The following RIT2 variants were observed in gnomAD, a reference collection of about 807,000 sequenced individuals.
RIT2 encodes Ras like without CAAX 2, also known as GTP-binding protein Rit2.
A neutral mutation model predicts 23.7 loss-of-function variants in RIT2; 24 were observed. That is an observed-to-expected ratio of 1.01 (90% CI 0.73 to 1.43). RIT2 has a LOEUF of 1.43. Ranked by LOEUF, RIT2 falls within the 40% of genes most tolerant of loss-of-function variation. The pLI, the probability that RIT2 is intolerant of heterozygous loss-of-function variation, is 0.00. For missense variants in RIT2, 236 were observed against 266.9 expected, an observed-to-expected ratio of 0.88 and a Z score of 0.81; for synonymous variants, 107 against 91.1, an observed-to-expected ratio of 1.17 and a Z score of -0.99.
chr18:42,780,666 A>G (rs1913789504), intron 4 of RIT2, among the ~76,000 whole-genome samples: 2 of 152,168 alleles, frequency 1.3e-5, no homozygotes, highest in Admixed American at 1.3e-4. Flanking sequence ...GGAACTTGGT[A>G]TCTTATTTGC....
At chr18:42,820,970 T>G (rs1029900761) in intron 4 of RIT2, among the ~76,000 whole-genome samples, 2 of 152,234 alleles carry the variant, frequency 1.3e-5, no homozygotes, top group African/African-American at 4.8e-5. Context: ...GGAGAGCTGC[T>G]TGTTTTAAAA....
chr18:42,932,620 T>C (rs1281505541), intron 3 of RIT2, among the ~76,000 whole-genome samples: 3 of 152,166 alleles, frequency 2.0e-5, no homozygotes, highest in Non-Finnish European at 4.4e-5. Flanking sequence ...TCCTCATACT[T>C]GAACCTTTTC....
chr18:42,914,326 A>C (rs1908846851), intron 4 of RIT2, among the ~76,000 whole-genome samples: 1 of 152,118 alleles, frequency 6.6e-6, no homozygotes, highest in Non-Finnish European at 1.5e-5. Context: ...CTTATGTTCC[A>C]CAGAAACTTG....
chr18:42,755,963 T>C (rs1401349476), intron 4 of RIT2, among the ~76,000 whole-genome samples: 1 of 151,746 alleles, frequency 6.6e-6, no homozygotes, highest in African/African-American at 2.4e-5. Flanking sequence ...TTATTTAGGT[T>C]GGTGAGGGGA....
rs1295838166 is a variant in RIT2, at chr18:43,057,614, T to G, written c.104-23747A>C. Among the ~76,000 whole-genome samples the G allele has an allele frequency of 4.6e-5, 7 of 151,520 alleles. No homozygotes were observed. In the East Asian group the frequency reaches 1.4e-3, roughly 29 times the overall value. ...GTATGTGCACGCACATGCATGCACA[T>G]GCATTAAACTGGCATTCCATATTTA... On this transcript the variant is annotated intron_variant, in intron 1 of 4. Transcript: ENST00000326695.
intron 1 of RIT2, among the ~76,000 whole-genome samples, chr18:43,059,801 A>G (rs1912600652): frequency 6.6e-6 from 1 of 151,934 alleles, no homozygotes; most frequent in Non-Finnish European, 1.5e-5. Context: ...TATTTTACAG[A>G]AAAGACAGCA....
At chr18:42,844,665 G>A (rs1021275195) in intron 4 of RIT2, among the ~76,000 whole-genome samples, 1 of 152,060 alleles carries the variant, frequency 6.6e-6, no homozygotes, top group African/African-American at 2.4e-5. Flanking sequence ...AGGCAGGGCA[G>A]GGTGGGGCGG....
intron 4 of RIT2, among the ~76,000 whole-genome samples, chr18:42,877,684 C>G (rs1449963462): frequency 6.6e-6 from 1 of 151,550 alleles, no homozygotes; most frequent in East Asian, 1.9e-4. Flanking sequence ...TGAAATACCC[C>G]CAAATCCCAA....
At chr18:43,054,395 A>G (rs896310703) in intron 1 of RIT2, among the ~76,000 whole-genome samples, 1 of 152,090 alleles carries the variant, frequency 6.6e-6, no homozygotes, top group Admixed American at 6.6e-5. Context: ...TTTAACTCCT[A>G]ATAGCTAAAT....
rs770703701 is a variant in RIT2, at chr18:42,923,581, C to T, written c.417G>A (p.Gln139=). The change falls in exon 4 of 5, where the codon CAG becomes CAA. Residue 139 remains glutamine (Q), a synonymous_variant. Transcript: ENST00000326695. ...VLVGNKIDLE[Q]FRQVSTEEGL... ...TAAAATCGGCACTCACCTGGCGGAA[C>T]TGTTCCAGATCAATTTTGTTACCCA... 2.5e-6 allele frequency: 4 copies of T among 1,612,976 alleles called. No homozygotes were observed. Among genetic ancestry groups the T allele is most frequent in the East Asian group, 2.2e-5 (1 of 44,834 alleles).
intron 4 of RIT2, among the ~76,000 whole-genome samples, chr18:42,918,134 A>G (rs894972041): frequency 6.6e-6 from 1 of 152,176 alleles, no homozygotes; most frequent in African/African-American, 2.4e-5. Context: ...ATTATTGCAC[A>G]TAGAGATATT....
At chr18:43,102,687 T>C (rs890309028) in intron 1 of RIT2, among the ~76,000 whole-genome samples, 4 of 152,060 alleles carry the variant, frequency 2.6e-5, no homozygotes, top group Non-Finnish European at 2.9e-5. Context: ...AAAGTCTCGC[T>C]CTGTTGCCCA....
At chr18:42,872,363 C>A (rs1447638791) in intron 4 of RIT2, among the ~76,000 whole-genome samples, 4 of 152,122 alleles carry the variant, frequency 2.6e-5, no homozygotes, top group African/African-American at 9.7e-5. Flanking sequence ...ACACTGTAGA[C>A]CTGTGCAGAT....
At chr18:42,946,888 T>A (rs552850079) in intron 3 of RIT2, among the ~76,000 whole-genome samples, 1 of 152,188 alleles carries the variant, frequency 6.6e-6, no homozygotes, top group East Asian at 1.9e-4. Flanking sequence ...TAAATTACCA[T>A]ACCTAAGCTT....
intron 4 of RIT2, among the ~76,000 whole-genome samples, chr18:42,806,306 T>TTG (rs1331784327): frequency 6.6e-6 from 1 of 151,486 alleles, no homozygotes; most frequent in Non-Finnish European, 1.5e-5. Context: ...TCATCTCTAC[T>TTG]AATAATAGAA....
chr18:43,002,071 A>G (rs1911120042), intron 2 of RIT2, among the ~76,000 whole-genome samples: 1 of 151,936 alleles, frequency 6.6e-6, no homozygotes, highest in South Asian at 2.1e-4. Flanking sequence ...AGTAGCAAGA[A>G]AGGCATTTCG....
chr18:42,868,113 A>AGCATATTTTTCCACACGT (rs1907521063), intron 4 of RIT2, among the ~76,000 whole-genome samples: 1 of 152,202 alleles, frequency 6.6e-6, no homozygotes, highest in Non-Finnish European at 1.5e-5. Flanking sequence ...AGTAGACACA[A>AGCATATTTTTCCACACGT]GCATATTTTT....
intron 1 of RIT2, among the ~76,000 whole-genome samples, chr18:43,070,513 G>T (rs555889471): frequency 6.6e-6 from 1 of 152,290 alleles, no homozygotes; most frequent in South Asian, 2.1e-4. Context: ...AAACAGCAAA[G>T]TGCCATTTCA....
At chr18:43,050,999 G>A (rs529200729) in intron 1 of RIT2, among the ~76,000 whole-genome samples, 2 of 152,048 alleles carry the variant, frequency 1.3e-5, no homozygotes, top group Non-Finnish European at 2.9e-5. Context: ...CAACCTAAAA[G>A]GTGTTAGTGA....
Sources: allele counts gnomAD v4.1 joint callset (sites outside exome capture counted in the v4.1 genomes callset), GRCh38; gene constraint gnomAD v4.1.1; transcripts MANE v1.5; gene names NCBI Gene and HGNC (gene_info 2026-07-23, HGNC 2026-07-21).